The following PTPRG variants were observed in gnomAD, a reference collection of about 807,000 sequenced individuals.
The protein encoded by PTPRG is receptor-type tyrosine-protein phosphatase gamma.
Under a neutral mutation model 165.3 loss-of-function variants are expected in PTPRG, and 102 were observed. That is an observed-to-expected ratio of 0.62 (90% CI 0.53 to 0.73). PTPRG has a LOEUF of 0.73. Ranked by LOEUF, PTPRG falls within the 30% of genes least tolerant of loss-of-function variation. PTPRG has a pLI of 0.00. For missense variants in PTPRG, 1,866 were observed against 1,861.4 expected, an observed-to-expected ratio of 1.00 and a Z score of -0.05; for synonymous variants, 675 against 669.5, an observed-to-expected ratio of 1.01 and a Z score of -0.13.
intron 2 of PTPRG, among the ~76,000 whole-genome samples, chr3:61,793,615 C>T (rs1381898938): frequency 2.6e-5 from 4 of 152,036 alleles, no homozygotes; most frequent in African/African-American, 9.7e-5. Flanking sequence ...ATAAGCAATA[C>T]AATGGGGAAA....
At chr3:62,164,498 G>A (rs1704892814) in intron 7 of PTPRG, among the ~76,000 whole-genome samples, 1 of 152,142 alleles carries the variant, frequency 6.6e-6, no homozygotes, top group Non-Finnish European at 1.5e-5. Flanking sequence ...GACATTTGAT[G>A]AGTGTGCTAA....
At chr3:61,819,884 G>A (rs1228743826) in intron 2 of PTPRG, among the ~76,000 whole-genome samples, 1 of 152,164 alleles carries the variant, frequency 6.6e-6, no homozygotes, top group Non-Finnish European at 1.5e-5. Flanking sequence ...CCTGATTGAA[G>A]CAAACACGTT....
chr3:61,932,525 C>A (rs756394472), intron 2 of PTPRG, among the ~76,000 whole-genome samples: 22 of 152,170 alleles, frequency 1.4e-4, no homozygotes, highest in Non-Finnish European at 2.2e-4. Context: ...ACCTCTAATA[C>A]GGTCACTTGC....
At chr3:62,024,229 C>G (rs1294719880) in intron 4 of PTPRG, among the ~76,000 whole-genome samples, 1 of 152,074 alleles carries the variant, frequency 6.6e-6, no homozygotes, top group Non-Finnish European at 1.5e-5. Flanking sequence ...TGTTCACTTC[C>G]AAGTCCTTTT....
At chr3:62,259,802 G>A (rs1701638696) in intron 16 of PTPRG, among the ~76,000 whole-genome samples, 1 of 152,164 alleles carries the variant, frequency 6.6e-6, no homozygotes, top group South Asian at 2.1e-4. Flanking sequence ...TTGGATACAG[G>A]AAGAGAACAG....
chr3:62,180,139 A>G (rs1181532540), intron 8 of PTPRG, among the ~76,000 whole-genome samples: 1 of 152,200 alleles, frequency 6.6e-6, no homozygotes, highest in Non-Finnish European at 1.5e-5. Context: ...TCTAGACTCA[A>G]GTATTTCTAT....
At chr3:61,863,476 G>A (rs73839760) in intron 2 of PTPRG, among the ~76,000 whole-genome samples, 2,020 of 152,334 alleles carry the variant, frequency 0.013, 53 homozygotes, top group African/African-American at 0.045. Context: ...GAATGTGTGC[G>A]TAGCTGCAGA....
At chr3:62,288,921 A>T (rs1260037133) in intron 28 of PTPRG, among the ~76,000 whole-genome samples, 1 of 152,214 alleles carries the variant, frequency 6.6e-6, no homozygotes, top group African/African-American at 2.4e-5. Context: ...AACATTTTCT[A>T]TAATAAAAAG....
At chr3:61,616,010 G>T (rs755487043) in intron 1 of PTPRG, among the ~76,000 whole-genome samples, 2 of 152,206 alleles carry the variant, frequency 1.3e-5, no homozygotes, top group Non-Finnish European at 2.9e-5. Flanking sequence ...GAGTGCAGTG[G>T]CACAATCTCG....
chr3:62,001,610 A>G (rs2041173618), intron 3 of PTPRG, among the ~76,000 whole-genome samples: 1 of 151,302 alleles, frequency 6.6e-6, no homozygotes, highest in Admixed American at 6.6e-5. Context: ...GTATATATAG[A>G]TATATTTTAT....
chr3:61,684,281 G>A (rs1703549051), intron 1 of PTPRG, among the ~76,000 whole-genome samples: 1 of 152,182 alleles, frequency 6.6e-6, no homozygotes, highest in Admixed American at 6.5e-5. Context: ...GTATGCTGCT[G>A]CCAGCTCCCC....
chr3:62,240,309 T>C lies in PTPRG; in HGVS notation c.2376-3498T>C, dbSNP rs1701129710. Among the ~76,000 whole-genome samples the C allele has an allele frequency of 6.6e-6, 1 of 152,096 alleles. No individual in the cohort carries two copies. The highest frequency in any genetic ancestry group is 2.4e-5 in the African/African-American group (1 of 41,406). ...GAGATCGTGCCACTGCACTCCAGCC[T>C]GGATGACAGAGCGAGACTCCATCTC... On this transcript the variant is annotated intron_variant, in intron 14 of 29. Coordinates refer to ENST00000474889, the MANE Select transcript of PTPRG (RefSeq NM_002841.4). This position sits in a 1 kb window ranked among gnomAD's most constrained non-coding sequence, Gnocchi z 5.1.
intron 13 of PTPRG, among the ~76,000 whole-genome samples, chr3:62,223,157 C>T (rs1576154265): frequency 6.6e-6 from 1 of 152,182 alleles, no homozygotes; most frequent in East Asian, 1.9e-4. Context: ...TCATGAGGGC[C>T]TCATCGAAGG....
intron 1 of PTPRG, among the ~76,000 whole-genome samples, chr3:61,719,959 G>T (rs922093411): frequency 6.6e-6 from 1 of 152,102 alleles, no homozygotes; most frequent in Non-Finnish European, 1.5e-5. Flanking sequence ...TTTGCTGGCC[G>T]CTCTTGCTCA....
chr3:61,606,986 C>G (rs975005842), intron 1 of PTPRG, among the ~76,000 whole-genome samples: 6 of 152,184 alleles, frequency 3.9e-5, no homozygotes, highest in African/African-American at 1.4e-4. Context: ...CAGATGACGT[C>G]CCCACCTACG....
At chr3:62,274,994 C>T (rs1702185991) in intron 23 of PTPRG, among the ~76,000 whole-genome samples, 1 of 151,536 alleles carries the variant, frequency 6.6e-6, no homozygotes, top group South Asian at 2.1e-4. Context: ...TTTTAGAGCT[C>T]AAGATGAAGA....
intron 4 of PTPRG, 102 bp from the exon 5 acceptor site, chr3:62,078,061 T>A: frequency 1.4e-6 from 1 of 730,426 alleles, no homozygotes; most frequent in Admixed American, 3.5e-5. Context: ...TTTGGCAAAA[T>A]CTTATTAGCA....
Position 62,031,282 on chromosome 3 carries a change from G to A in PTPRG, c.519+27785G>A, listed in dbSNP as rs561913152. ...GGCTTACCTAGCCTAGAAGCAATGGGTTTACTTCCAAAGAAGAGTGGTATA... is the reference window on the plus strand; with the variant it reads ...GGCTTACCTAGCCTAGAAGCAATGGATTTACTTCCAAAGAAGAGTGGTATA... On this transcript the variant is annotated intron_variant, in intron 4 of 29. Transcript: ENST00000474889. Among the ~76,000 whole-genome samples the A allele has an allele frequency of 8.5e-4, 129 of 152,282 alleles. 1 individual carries two copies. Among genetic ancestry groups the A allele is most frequent in the African/African-American group, 3.0e-3 (124 of 41,562 alleles).
intron 5 of PTPRG, among the ~76,000 whole-genome samples, chr3:62,119,787 A>ATTTTTTTT (rs34842750): frequency 3.5e-4 from 39 of 111,696 alleles, no homozygotes; most frequent in East Asian, 5.3e-4. Flanking sequence ...CGCCTGGCTA[A>ATTTTTTTT]TTTTTTTTTT....
Sources: allele counts gnomAD v4.1 joint callset (sites outside exome capture counted in the v4.1 genomes callset), GRCh38; gene constraint gnomAD v4.1.1; non-coding constraint Gnocchi (gnomAD v3.1); transcripts MANE v1.5; gene names NCBI Gene and HGNC (gene_info 2026-07-23, HGNC 2026-07-21).